The following ATF1 variants were observed in gnomAD, a reference collection of about 807,000 sequenced individuals.
ATF1 encodes the protein cyclic AMP-dependent transcription factor ATF-1.
A neutral mutation model predicts 34.7 loss-of-function variants in ATF1; 16 were observed. That is an observed-to-expected ratio of 0.46 (90% CI 0.31 to 0.70). The LOEUF is 0.70. Ranked by LOEUF, ATF1 falls within the 30% of genes least tolerant of loss-of-function variation. The pLI is 0.05. For synonymous variants in ATF1, 105 were observed against 113.1 expected (o/e 0.93, Z 0.46); for missense variants, 255 against 321.6 (o/e 0.79, Z 1.58).
intron 1 of ATF1, among the ~76,000 whole-genome samples, chr12:50,770,194 A>G (rs906807416): frequency 6.6e-6 from 1 of 152,258 alleles, no homozygotes; most frequent in African/African-American, 2.4e-5. Context: ...AATTATTTGC[A>G]TAAGTGCAAT....
At chr12:50,792,612 A>T (rs941911744) in intron 2 of ATF1, among the ~76,000 whole-genome samples, 1 of 143,438 alleles carries the variant, frequency 7.0e-6, no homozygotes, top group African/African-American at 2.6e-5. Flanking sequence ...CCTATAATAT[A>T]TAAACCAAGA....
rs1941792186 is a variant in ATF1, at chr12:50,814,103, G to T, written c.422G>T (p.Ser141Ile). 6.2e-7 allele frequency: 1 copy of T among 1,614,190 alleles called. No individual in the cohort carries two copies. The highest frequency in any genetic ancestry group is 8.5e-7 in the Non-Finnish European group (1 of 1,180,024). Residue 141 changes from serine to isoleucine, a missense_variant, in exon 5 of 7, where the codon AGT becomes ATT. Around this residue, in one of 2 missense-constraint regions of ATF1, gnomAD observed 221 missense variants for 250.7 expected, o/e 0.88. Transcript: ENST00000262053. ...ACATTAACCATGACAAATTCAGGCA[G>T]TACTCAGCAAGGTACAACTATTCTT... ...LQTLTMTNSG[S>I]TQQGTTILQY...
intron 1 of ATF1, among the ~76,000 whole-genome samples, chr12:50,772,501 G>C (rs1030978792): frequency 9.2e-5 from 14 of 151,692 alleles, no homozygotes; most frequent in Non-Finnish European, 2.9e-5. Context: ...TAATTTTGTA[G>C]TTTTAGTAGA....
At chr12:50,808,207 A>G (rs1941656851) in intron 3 of ATF1, among the ~76,000 whole-genome samples, 1 of 152,166 alleles carries the variant, frequency 6.6e-6, no homozygotes, top group African/African-American at 2.4e-5. Context: ...AGGGATACCC[A>G]TGGGATCATA....
At chr12:50,778,283 TG>T (rs1940976212) in intron 1 of ATF1, among the ~76,000 whole-genome samples, 1 of 131,972 alleles carries the variant, frequency 7.6e-6, no homozygotes, top group Admixed American at 8.7e-5. Context: ...TGGAGTGCAG[TG>T]GTACGATCTC....
At chr12:50,792,268 G>A (rs1300851497) in intron 2 of ATF1, among the ~76,000 whole-genome samples, 2 of 152,158 alleles carry the variant, frequency 1.3e-5, no homozygotes, top group African/African-American at 4.8e-5. Context: ...TCAATAGAAG[G>A]TACCTAATGT....
At chr12:50,776,627 A>C (rs908745760) in intron 1 of ATF1, among the ~76,000 whole-genome samples, 22 of 152,108 alleles carry the variant, frequency 1.4e-4, no homozygotes, top group African/African-American at 5.3e-4. Flanking sequence ...TTTACCTATC[A>C]TTAATTATTT....
chr12:50,797,362 T>G (rs1307420063), intron 3 of ATF1, among the ~76,000 whole-genome samples: 1 of 152,204 alleles, frequency 6.6e-6, no homozygotes, highest in Non-Finnish European at 1.5e-5. Context: ...TCTTAAAAGC[T>G]AAAAGCTTCC....
At chr12:50,806,307 C>G in intron 3 of ATF1, 1 of 421,834 alleles carries the variant, frequency 2.4e-6, no homozygotes, top group South Asian at 1.8e-5. Flanking sequence ...TTATCCTGTT[C>G]CCAAGTACTC....
chr12:50,800,259 A>G (rs989769348), intron 3 of ATF1, among the ~76,000 whole-genome samples: 24 of 152,352 alleles, frequency 1.6e-4, no homozygotes, highest in African/African-American at 5.0e-4. Flanking sequence ...CCAAAATTCT[A>G]TGTCTACTGA....
intron 2 of ATF1, among the ~76,000 whole-genome samples, chr12:50,782,920 C>T (rs1941102155): frequency 6.6e-6 from 1 of 151,722 alleles, no homozygotes; most frequent in Non-Finnish European, 1.5e-5. Flanking sequence ...GAACTCCTGA[C>T]GTCAAGTGAT....
At chr12:50,790,707 T>C (rs989433644) in intron 2 of ATF1, among the ~76,000 whole-genome samples, 2 of 151,816 alleles carry the variant, frequency 1.3e-5, no homozygotes, top group African/African-American at 2.4e-5. Context: ...GTACATAAGA[T>C]GTTTGGGGGA....
intron 4 of ATF1, among the ~76,000 whole-genome samples, chr12:50,811,813 A>C (rs1263442394): frequency 2.0e-5 from 3 of 152,018 alleles, no homozygotes; most frequent in Non-Finnish European, 4.4e-5. Flanking sequence ...AGAAAGAAAG[A>C]AACTGGGAGC....
chr12:50,801,729 C>T (rs1041842213), intron 3 of ATF1, among the ~76,000 whole-genome samples: 1 of 152,108 alleles, frequency 6.6e-6, no homozygotes, highest in Non-Finnish European at 1.5e-5. Flanking sequence ...ATATGATCAT[C>T]GCAAGACACA....
intron 1 of ATF1, among the ~76,000 whole-genome samples, chr12:50,769,380 C>T (rs527682575): frequency 5.3e-4 from 80 of 152,120 alleles, no homozygotes; most frequent in African/African-American, 1.8e-3. Flanking sequence ...GTGGCGCACA[C>T]CTGTAGTCAC....
intron 4 of ATF1, among the ~76,000 whole-genome samples, chr12:50,810,321 G>A (rs1005337914): frequency 6.7e-6 from 1 of 149,280 alleles, no homozygotes; most frequent in Non-Finnish European, 1.5e-5. Context: ...GGGTTCAAGT[G>A]ATTCTCCTGC....
intron 4 of ATF1, among the ~76,000 whole-genome samples, chr12:50,810,374 C>T (rs556386642): frequency 1.3e-5 from 2 of 151,716 alleles, no homozygotes; most frequent in South Asian, 2.1e-4. Flanking sequence ...TGTACCACTT[C>T]GCTTGGCTAA....
chr12:50,769,822 A>G (rs953377960), intron 1 of ATF1, among the ~76,000 whole-genome samples: 2 of 152,212 alleles, frequency 1.3e-5, no homozygotes, highest in African/African-American at 4.8e-5. Flanking sequence ...TCAGCTATAG[A>G]ACTCTAGCAG....
At position 50,814,292 on chromosome 12, in the gene ATF1, A is replaced by C. The variant is rs1327254960; in HGVS notation, c.524A>C (p.Asp175Ala). The C allele has an allele frequency of 1.2e-6, 2 of 1,614,038 alleles. No individual in the cohort carries two copies. Among genetic ancestry groups the C allele is most frequent in the Non-Finnish European group, 1.7e-6 (2 of 1,180,030 alleles). Residue 175 changes from aspartate (D) to alanine (A), a missense_variant, in exon 6 of 7, where the codon GAT (aspartate) becomes GCT (alanine). Transcript: ENST00000262053. ...NQVVVQTASGDMQTYQIRTTP... is the reference protein window; with the variant it reads ...NQVVVQTASGAMQTYQIRTTP... Reference sequence around the variant, plus strand: ...GTTTACCATCTAGCTGCATCAGGAGATATGCAAACATATCAGATCCGAACT... The same window carrying C: ...GTTTACCATCTAGCTGCATCAGGAGCTATGCAAACATATCAGATCCGAACT...
Sources: allele counts gnomAD v4.1 joint callset (sites outside exome capture counted in the v4.1 genomes callset), GRCh38; gene constraint gnomAD v4.1.1; regional missense constraint gnomAD v4.1.1; transcripts MANE v1.5; gene names NCBI Gene and HGNC (gene_info 2026-07-23, HGNC 2026-07-21).